The following APBA1 variants were observed in gnomAD, a reference collection of about 807,000 sequenced individuals.
APBA1 encodes the protein amyloid beta precursor protein binding family A member 1.
In APBA1, 55 loss-of-function variants were observed where a neutral mutation model predicts 86.6. The ratio of observed to expected loss-of-function variants is 0.64; its 90% CI spans 0.51 to 0.80. The LOEUF is 0.80. Ranked by LOEUF, APBA1 falls within the 30% of genes least tolerant of loss-of-function variation. APBA1 has a pLI of 0.00. For synonymous variants in APBA1, 511 were observed against 493.9 expected (o/e 1.03, Z -0.46); for missense variants, 1,090 against 1,183.0 (o/e 0.92, Z 1.15).
chr9:69,655,159 A>G (rs1264124318), intron 1 of APBA1, among the ~76,000 whole-genome samples: 1 of 152,178 alleles, frequency 6.6e-6, no homozygotes, highest in African/African-American at 2.4e-5. Context: ...AAAATATAAG[A>G]AAGTCCATTT....
chr9:69,461,011 G>C (rs1274408297), intron 5 of APBA1: 1 of 152,172 alleles, frequency 6.6e-6, no homozygotes, highest in African/African-American at 2.4e-5. Flanking sequence ...GAGTACAGGC[G>C]TGAGCCACTG....
chr9:69,619,894 A>C (rs574790253), intron 1 of APBA1, among the ~76,000 whole-genome samples: 31 of 152,346 alleles, frequency 2.0e-4, no homozygotes, highest in Non-Finnish European at 4.1e-4. Flanking sequence ...CAACTTTTCC[A>C]TTCCATGTTC....
At chr9:69,599,778 G>A (rs891877099) in intron 1 of APBA1, among the ~76,000 whole-genome samples, 6 of 152,118 alleles carry the variant, frequency 3.9e-5, no homozygotes, top group Non-Finnish European at 7.4e-5. Flanking sequence ...AGAGGATTCC[G>A]ATGCAGACTA....
At chr9:69,631,281 T>G (rs1823038442) in intron 1 of APBA1, among the ~76,000 whole-genome samples, 1 of 152,208 alleles carries the variant, frequency 6.6e-6, no homozygotes, top group Non-Finnish European at 1.5e-5. Context: ...AAGACATTTA[T>G]GCAGCCAACA....
At chr9:69,650,006 T>C (rs752818884) in intron 1 of APBA1, among the ~76,000 whole-genome samples, 1 of 152,162 alleles carries the variant, frequency 6.6e-6, no homozygotes. Context: ...GTCTAAGAAA[T>C]GAGAAAGCAG....
chr9:69,535,452 G>A (rs531464936), intron 1 of APBA1, among the ~76,000 whole-genome samples: 2 of 152,250 alleles, frequency 1.3e-5, no homozygotes, highest in Admixed American at 1.3e-4. Context: ...TCAGTGTTTG[G>A]AAATTTTTGG....
At chr9:69,630,268 C>T (rs1399227612) in intron 1 of APBA1, among the ~76,000 whole-genome samples, 3 of 152,168 alleles carry the variant, frequency 2.0e-5, no homozygotes, top group Admixed American at 2.0e-4. Flanking sequence ...CTGGGCATAA[C>T]GATCAGGGGA....
chr9:69,518,020 T>G (rs1751941658), intron 1 of APBA1, among the ~76,000 whole-genome samples: 2 of 152,152 alleles, frequency 1.3e-5, no homozygotes, highest in South Asian at 4.1e-4. Flanking sequence ...AGGAGACACT[T>G]TTTCCTAGAG....
intron 2 of APBA1, among the ~76,000 whole-genome samples, chr9:69,503,787 G>A (rs546106156): frequency 3.5e-4 from 53 of 152,006 alleles, no homozygotes; most frequent in Non-Finnish European, 6.9e-4. Context: ...CCCTCTGAGC[G>A]GCAGGCCACA....
chr9:69,658,292 CTT>C (rs1491300697), intron 1 of APBA1, among the ~76,000 whole-genome samples: 1,821 of 17,610 alleles, frequency 0.1, 120 homozygotes, highest in South Asian at 0.24. Flanking sequence ...TTCTCTCTCT[CTT>C]TCTCTCTCTC....
rs1383053848 is a variant in APBA1 at position 69,653,936 on chromosome 9, T to A, written c.-70+18217A>T. ...CAGCCTGACGAACATGGAGAAACCC[T>A]GTCTCTAGTAAAAGCCAGGCATCTC... is the stretch of plus-strand genomic sequence containing the variant. On this transcript the variant is annotated intron_variant, in intron 1 of 12. Coordinates refer to ENST00000265381, the MANE Select transcript of APBA1 (RefSeq NM_001163.4). Among the ~76,000 whole-genome samples the A allele has an allele frequency of 2.0e-5, 3 of 151,928 alleles. No individual in the cohort carries two copies. The East Asian group carries it at 5.9e-4, about 30-fold the overall frequency.
intron 1 of APBA1, among the ~76,000 whole-genome samples, chr9:69,669,014 T>A (rs1053201229): frequency 2.0e-5 from 3 of 152,184 alleles, no homozygotes; most frequent in African/African-American, 7.2e-5. Flanking sequence ...ATATTTCCTC[T>A]TTTCTCCTTC....
chr9:69,606,693 C>T (rs180756093), intron 1 of APBA1, among the ~76,000 whole-genome samples: 42 of 151,818 alleles, frequency 2.8e-4, no homozygotes, highest in African/African-American at 8.9e-4. Flanking sequence ...AGGGTTTCAC[C>T]GTGTTAGCCA....
chr9:69,658,248 CTTTCTTTCTTTCTTTCTTTCTTTCTT>C (rs1823658365), intron 1 of APBA1, among the ~76,000 whole-genome samples: 2 of 21,902 alleles, frequency 9.1e-5, no homozygotes, highest in African/African-American at 1.3e-4. Flanking sequence ...TTCTTTCTTT[CTTTCTTTCTTTCTTTCTTTCTTTCTT>C]TCTTTCTTTC....
intron 11 of APBA1, among the ~76,000 whole-genome samples, chr9:69,440,053 G>T (rs1834785239): frequency 2.0e-5 from 3 of 152,228 alleles, no homozygotes; most frequent in Non-Finnish European, 4.4e-5. Context: ...GTCCACTCCA[G>T]ACCCTGTTTG....
At chr9:69,456,971 A>G (rs1835108501) in intron 7 of APBA1, 82 bp downstream of exon 7, 7 of 1,204,202 alleles carry the variant, frequency 5.8e-6, no homozygotes, top group South Asian at 5.0e-5. Context: ...CTACAGACAC[A>G]TGCCTGCTCT....
rs7858154 is a variant in APBA1 at position 69,641,007 on chromosome 9, T to G, written c.-70+31146A>C. ...AAGAGAAAGAGAGAGAGAAATAAAG[T>G]TGGTTTCTTCATTTGCAGATGACAT... On this transcript the variant is annotated intron_variant, in intron 1 of 12. Coordinates refer to ENST00000265381, the MANE Select transcript of APBA1 (RefSeq NM_001163.4). Among the ~76,000 whole-genome samples the G allele has an allele frequency of 2.0e-5, 3 of 151,810 alleles. No homozygotes were observed. The South Asian group carries it at 6.2e-4, about 32-fold the overall frequency.
intron 9 of APBA1, among the ~76,000 whole-genome samples, chr9:69,450,746 G>A (rs1266811779): frequency 6.6e-6 from 1 of 151,980 alleles, no homozygotes; most frequent in Non-Finnish European, 1.5e-5. Flanking sequence ...TTTTAAATGA[G>A]GTGATTAATA....
intron 1 of APBA1, among the ~76,000 whole-genome samples, chr9:69,598,242 A>T (rs1822272297): frequency 6.6e-6 from 1 of 150,538 alleles, no homozygotes; most frequent in African/African-American, 2.4e-5. Context: ...ATGAGATCAC[A>T]TGGACACAGG....
Sources: gnomAD v4.1 joint callset for allele counts (sites outside exome capture counted in the v4.1 genomes callset) on GRCh38, gnomAD v4.1.1 for gene constraint, MANE v1.5 for transcripts, NCBI Gene and HGNC (gene_info 2026-07-23, HGNC 2026-07-21) for gene names.